Variants in KIF27 observed in about 807,000 individuals in gnomAD.
KIF27 encodes the protein kinesin-like protein KIF27.
A neutral mutation model predicts 141.8 loss-of-function variants in KIF27; 84 were observed. The observed-to-expected ratio is 0.59, with a 90% CI of 0.50 to 0.71. The LOEUF is 0.71. KIF27 is among the 30% of genes least tolerant of loss of function. The pLI is 0.00. For synonymous variants in KIF27, 471 were observed against 569.5 expected (o/e 0.83, Z 2.46); for missense variants, 1,306 against 1,628.4 (o/e 0.80, Z 3.41).
intron 13 of KIF27, among the ~76,000 whole-genome samples, chr9:83,860,840 G>A (rs1011756561): frequency 1.3e-5 from 2 of 151,118 alleles, no homozygotes; most frequent in Non-Finnish European, 2.9e-5. Context: ...TATTTTTGTG[G>A]AGCACATTCT....
intron 2 of KIF27, among the ~76,000 whole-genome samples, chr9:83,909,986 C>T (rs1954973415): frequency 6.6e-6 from 1 of 151,858 alleles, no homozygotes. Flanking sequence ...ATTACTTGAG[C>T]CTGGGAGACA....
chr9:83,899,248 G>C (rs1430960410), intron 5 of KIF27, among the ~76,000 whole-genome samples: 2 of 152,132 alleles, frequency 1.3e-5, no homozygotes, highest in Non-Finnish European at 2.9e-5. Flanking sequence ...AAATTTGAAA[G>C]ATGTAAGCAA....
chr9:83,920,899 AAATGCGCCCAAGTTTCAACCTCTACG>A (rs1956204388), intron 1 of KIF27, among the ~76,000 whole-genome samples: 1 of 151,190 alleles, frequency 6.6e-6, no homozygotes, highest in Non-Finnish European at 1.5e-5. Flanking sequence ...CTACGGTGGG[AAATGCGCCCAAGTTTCAACCTCTACG>A]GTGGGAAAAA....
At chr9:83,851,256 A>G (rs1304955805) in intron 15 of KIF27, among the ~76,000 whole-genome samples, 2 of 152,222 alleles carry the variant, frequency 1.3e-5, no homozygotes, top group East Asian at 3.9e-4. Flanking sequence ...CTAAGTGGAT[A>G]GTGAGAGGGC....
intron 3 of KIF27, among the ~76,000 whole-genome samples, chr9:83,905,089 C>T (rs1954362765): frequency 6.6e-6 from 1 of 151,850 alleles, no homozygotes; most frequent in Admixed American, 6.6e-5. Context: ...ACATTTACTA[C>T]CCGCATTATT....
In KIF27 at chr9:83,836,128, T is replaced by G. The variant is rs1199168494; in HGVS notation, c.*873A>C. Reference sequence around the variant, plus strand: ...TGACTAAGGAGGTTATAGAAAAAAATATCAGACTTAAGCCCATCAAATCAT... The same window carrying G: ...TGACTAAGGAGGTTATAGAAAAAAAGATCAGACTTAAGCCCATCAAATCAT... On this transcript the variant is annotated 3_prime_UTR_variant, in exon 18 of 18. Transcript: ENST00000297814. 6.6e-6 allele frequency among the ~76,000 whole-genome samples: 1 copy of G among 152,056 alleles called. No individual in the cohort carries two copies. Among genetic ancestry groups the G allele is most frequent in the Non-Finnish European group, 1.5e-5 (1 of 68,026 alleles).
intron 2 of KIF27, among the ~76,000 whole-genome samples, chr9:83,910,535 G>C (rs1955039805): frequency 6.6e-6 from 1 of 152,194 alleles, no homozygotes; most frequent in Non-Finnish European, 1.5e-5. Flanking sequence ...AAAGGTGCAA[G>C]GAGCTTGAGA....
rs1164686382 is a variant in KIF27 at position 83,903,347 on chromosome 9, T to G, written c.1171A>C (p.Thr391Pro). ...TQINREGSPD[T>P]NRIHSLEEQV... Reference sequence around the variant, plus strand: ...TCCTCAAGAGAATGAATCCTATTTGTATCAGGACTCCCTTCTCGATTGATC... The same window carrying G: ...TCCTCAAGAGAATGAATCCTATTTGGATCAGGACTCCCTTCTCGATTGATC... The change falls in exon 4 of 18, where the codon ACA becomes CCA. Residue 391 changes from threonine to proline, a missense_variant. By Grantham distance (38) the Thr-to-Pro change is conservative. Transcript: ENST00000297814. 1 of 1,614,192 alleles carries G rather than the reference T, an allele frequency of 6.2e-7. No individual in the cohort carries two copies.
At chr9:83,881,566 T>C (rs964512592) in intron 10 of KIF27, among the ~76,000 whole-genome samples, 4 of 152,222 alleles carry the variant, frequency 2.6e-5, no homozygotes, top group African/African-American at 9.6e-5. Context: ...TTAGATTCGG[T>C]TGACGTTTTC....
At position 83,841,070 on chromosome 9, in the gene KIF27, T is replaced by C. The variant is rs573809584; in HGVS notation, c.3721+1167A>G. The stretch of plus-strand genomic sequence containing the variant: ...CATGATAAATGTCACAAATATAAGT[T>C]AGCATTTTTTTTTTTTTGAGACAGA... On this transcript the variant is annotated intron_variant, in intron 17 of 17. Coordinates refer to ENST00000297814, the MANE Select transcript of KIF27 (RefSeq NM_017576.4). Among the ~76,000 whole-genome samples, 3 of 151,966 alleles carry C rather than the reference T, an allele frequency of 2.0e-5. No homozygotes were observed. The East Asian group carries it at 5.8e-4, about 29-fold the overall frequency.
rs1289044528 is a variant in KIF27, at chr9:83,848,155, CATATATGAT to C, written c.3556+1935_3556+1943del. On this transcript the variant is annotated intron_variant, in intron 16 of 17. Transcript: ENST00000297814. ...CTCATATATGATATATCTGATATATCATATATGATATATCTGATATATCATATATGATAT... is the reference window on the plus strand; with the variant it reads ...CTCATATATGATATATCTGATATATCATATCTGATATATCATATATGATAT... Among the ~76,000 whole-genome samples, 2 of 45,722 alleles carry C rather than the reference CATATATGAT, an allele frequency of 4.4e-5. 1 individual carries two copies. Among genetic ancestry groups the C allele is most frequent in the Non-Finnish European group, 7.9e-5 (2 of 25,198 alleles). 30.0% of individuals were successfully genotyped at this position (45,722 alleles called of 152,430 possible). A position where few individuals can be genotyped will look rare whatever the true frequency, so the allele number is the denominator to read the frequency against.
At chr9:83,913,967 T>A (rs1239883295) in intron 2 of KIF27, among the ~76,000 whole-genome samples, 1 of 152,016 alleles carries the variant, frequency 6.6e-6, no homozygotes, top group East Asian at 1.9e-4. Context: ...GAAAACACCA[T>A]CCAAAATGTT....
At chr9:83,911,843 A>G (rs1955198616) in intron 2 of KIF27, among the ~76,000 whole-genome samples, 1 of 152,184 alleles carries the variant, frequency 6.6e-6, no homozygotes, top group Non-Finnish European at 1.5e-5. Context: ...CACTTACATG[A>G]AATACCTAGA....
chr9:83,910,319 C>G (rs1955017163), intron 2 of KIF27, among the ~76,000 whole-genome samples: 1 of 152,190 alleles, frequency 6.6e-6, no homozygotes, highest in Non-Finnish European at 1.5e-5. Context: ...AAGCAGGAAA[C>G]TGACCCTAGG....
chr9:83,848,183 A>C lies in KIF27; in HGVS notation c.3556+1916T>G, dbSNP rs1266570358. Reference sequence around the variant, plus strand: ...ATATGATATATCTGATATATCATATATGATATATATGATATATCAGATATG... The same window carrying C: ...ATATGATATATCTGATATATCATATCTGATATATATGATATATCAGATATG... On this transcript the variant is annotated intron_variant, in intron 16 of 17. Transcript: ENST00000297814. Among the ~76,000 whole-genome samples the C allele has an allele frequency of 1.8e-4, 7 of 38,362 alleles. 1 individual carries two copies. The highest frequency in any genetic ancestry group is 8.1e-4 in the South Asian group (1 of 1,236). 25.2% of individuals were successfully genotyped at this position (38,362 alleles called of 152,430 possible). A position where few individuals can be genotyped will look rare whatever the true frequency, so the allele number is the denominator to read the frequency against.
intron 14 of KIF27, among the ~76,000 whole-genome samples, chr9:83,857,638 T>C (rs1399514697): frequency 6.6e-6 from 1 of 152,248 alleles, no homozygotes; most frequent in African/African-American, 2.4e-5. Context: ...AATGGAACTC[T>C]ACCCTACTGC....
intron 11 of KIF27, among the ~76,000 whole-genome samples, chr9:83,871,888 G>A (rs1042648977): frequency 5.3e-5 from 8 of 151,214 alleles, no homozygotes; most frequent in Non-Finnish European, 8.9e-5. Context: ...TTTTAGGAGA[G>A]ACAGGGTTTT....
intron 12 of KIF27, 35 bp downstream of exon 12, chr9:83,870,484 G>A (rs769729871): frequency 6.2e-7 from 1 of 1,611,492 alleles, no homozygotes; most frequent in Non-Finnish European, 8.5e-7. Flanking sequence ...TCAGATTGAA[G>A]AGAAACCAGG....
In KIF27 at chr9:83,847,178, G is replaced by C. The variant is rs142267620; in HGVS notation, c.3556+2921C>G. On this transcript the variant is annotated intron_variant, in intron 16 of 17. Coordinates refer to ENST00000297814, the MANE Select transcript of KIF27 (RefSeq NM_017576.4). ...GCTTGCTAAAGGCAAAGGGAATACA[G>C]AATGGGTAGCAGAAGAAGGTGGTCA... Among the ~76,000 whole-genome samples, 923 of 152,294 alleles carry C rather than the reference G, an allele frequency of 6.1e-3. 10 individuals carry two copies. The highest frequency in any genetic ancestry group is 0.021 in the African/African-American group (876 of 41,552).
Sources: gnomAD v4.1 joint callset for allele counts (sites outside exome capture counted in the v4.1 genomes callset) on GRCh38, gnomAD v4.1.1 for gene constraint, MANE v1.5 for transcripts, NCBI Gene and HGNC (gene_info 2026-07-23, HGNC 2026-07-21) for gene names.